The following KNL1 variants were observed in gnomAD, a reference collection of about 807,000 sequenced individuals.
KNL1 encodes outer kinetochore KNL1 complex subunit KNL1.
Under a neutral mutation model 201.3 loss-of-function variants are expected in KNL1, and 66 were observed. The ratio of observed to expected loss-of-function variants is 0.33; its 90% CI spans 0.27 to 0.40. The LOEUF (loss-of-function observed/expected upper bound fraction) is 0.40. Among genes scored for constraint, KNL1 ranks in the 10% least tolerant of loss-of-function variants. KNL1 has a pLI of 1.00. For synonymous variants in KNL1, 895 were observed against 899.2 expected (o/e 1.00, Z 0.08); for missense variants, 2,815 against 2,690.5 (o/e 1.05, Z -1.02).
chr15:40,600,890 G>C (rs921607390), intron 1 of KNL1, among the ~76,000 whole-genome samples: 1 of 152,250 alleles, frequency 6.6e-6, no homozygotes, highest in African/African-American at 2.4e-5. Context: ...TACTCACTGA[G>C]TGAAATTTAA....
chr15:40,660,501 C>T (rs1893876706), intron 25 of KNL1, among the ~76,000 whole-genome samples: 1 of 151,544 alleles, frequency 6.6e-6, no homozygotes, highest in Non-Finnish European at 1.5e-5. Flanking sequence ...CCCGCCTCTA[C>T]TAAAAATACA....
At chr15:40,638,101 A>C (rs1893111526) in intron 13 of KNL1, among the ~76,000 whole-genome samples, 3 of 151,980 alleles carry the variant, frequency 2.0e-5, no homozygotes, top group Non-Finnish European at 4.4e-5. Context: ...GAATTGCTTG[A>C]ACCTTGAACC....
At position 40,621,795 on chromosome 15, in the gene KNL1, G is replaced by T; in HGVS notation, c.1531G>T (p.Ala511Ser). ...QDQSNVQIAA[A>S]PTPEKEMMLQ... ...TCAATCAAATGTGCAAATAGCAGCTGCACCAACACCCGAAAAAGAAATGAT... is the reference window on the plus strand; with the variant it reads ...TCAATCAAATGTGCAAATAGCAGCTTCACCAACACCCGAAAAAGAAATGAT... The change falls in exon 10 of 26, where the codon GCA becomes TCA. Residue 511 changes from alanine (A) to serine (S), a missense_variant. Coordinates refer to ENST00000399668, the MANE Select transcript of KNL1 (RefSeq NM_144508.5). 2 of 1,613,762 alleles carry T rather than the reference G, an allele frequency of 1.2e-6. No homozygotes were observed. Among genetic ancestry groups the T allele is most frequent in the Non-Finnish European group, 1.7e-6 (2 of 1,179,740 alleles).
chr15:40,630,801 A>G (rs574501314), intron 13 of KNL1, among the ~76,000 whole-genome samples: 1 of 152,342 alleles, frequency 6.6e-6, no homozygotes, highest in Admixed American at 6.5e-5. Context: ...TTATTTCATT[A>G]TATATTACAA....
intron 3 of KNL1, among the ~76,000 whole-genome samples, chr15:40,605,747 G>A (rs1228927899): frequency 1.3e-5 from 2 of 152,160 alleles, no homozygotes; most frequent in African/African-American, 2.4e-5. Context: ...ACTGTGCCCA[G>A]CCCAAACTGC....
At chr15:40,620,505 T>C (rs147149621) in intron 9 of KNL1, 135 bp from the exon 10 acceptor site, 261 of 548,050 alleles carry the variant, frequency 4.8e-4, no homozygotes, top group African/African-American at 4.3e-3. Context: ...ATATGCAACA[T>C]GCTACACCAT....
At chr15:40,601,497 T>G (rs1891789577) in intron 1 of KNL1, among the ~76,000 whole-genome samples, 3 of 152,152 alleles carry the variant, frequency 2.0e-5, no homozygotes, top group Admixed American at 2.0e-4. Flanking sequence ...ATCTTGAGTG[T>G]GATAATTTTC....
intron 25 of KNL1, 28 bp downstream of exon 25, chr15:40,659,489 T>G (rs1336299313): frequency 6.3e-7 from 1 of 1,591,396 alleles, no homozygotes; most frequent in Non-Finnish European, 8.5e-7. Flanking sequence ...AGGGTAAGAC[T>G]CTGGGCTACT....
chr15:40,637,938 G>A (rs1567016474), intron 13 of KNL1, among the ~76,000 whole-genome samples: 1 of 151,962 alleles, frequency 6.6e-6, no homozygotes, highest in Non-Finnish European at 1.5e-5. Context: ...AGCACTTTGG[G>A]AAGCCAAGGC....
chr15:40,610,670 A>T, intron 6 of KNL1: 1 of 440,352 alleles, frequency 2.3e-6, no homozygotes, highest in Non-Finnish European at 4.5e-6. Flanking sequence ...AGCCTGGGCA[A>T]CAGAGCAAGA....
chr15:40,638,990 G>GTAGAGACAGTGTTTGTC (rs1893142301), intron 13 of KNL1, among the ~76,000 whole-genome samples: 2 of 144,952 alleles, frequency 1.4e-5, no homozygotes, highest in East Asian at 2.1e-4. Context: ...TTTGTATTTT[G>GTAGAGACAGTGTTTGTC]TATTGTTGGT....
At chr15:40,603,278 A>G (rs1314917665) in intron 2 of KNL1, among the ~76,000 whole-genome samples, 1 of 152,098 alleles carries the variant, frequency 6.6e-6, no homozygotes, top group African/African-American at 2.4e-5. Flanking sequence ...GATGTTCCCC[A>G]ACCCTGTGTC....
intron 1 of KNL1, among the ~76,000 whole-genome samples, chr15:40,598,903 A>G (rs1259871433): frequency 1.3e-5 from 2 of 151,920 alleles, no homozygotes; most frequent in African/African-American, 4.8e-5. Flanking sequence ...TTCCAGGCTC[A>G]AGCTATCCTC....
chr15:40,602,666 G>A (rs780813805), intron 1 of KNL1, among the ~76,000 whole-genome samples: 1 of 151,266 alleles, frequency 6.6e-6, no homozygotes, highest in Non-Finnish European at 1.5e-5. Flanking sequence ...TTGTATTTTG[G>A]TAGAGACGGG....
Position 40,662,204 on chromosome 15 carries a change from T to A in KNL1, c.*16T>A. ...CTACCACTAGACCCTTGGACCACCA[T>A]TGGAACAACCAAGCAGAATGTACTT... On this transcript the variant is annotated 3_prime_UTR_variant, in exon 26 of 26. Transcript: ENST00000399668. The A allele has an allele frequency of 7.4e-7, 1 of 1,360,042 alleles. No individual in the cohort carries two copies. The highest frequency in any genetic ancestry group is 1.1e-6 in the Non-Finnish European group (1 of 949,438). 84.2% of individuals were successfully genotyped at this position (1,360,042 alleles called of 1,614,324 possible). A position where few individuals can be genotyped will look rare whatever the true frequency, so the allele number is the denominator to read the frequency against.
At chr15:40,647,436 T>C (rs1196551735) in intron 17 of KNL1, among the ~76,000 whole-genome samples, 2 of 152,010 alleles carry the variant, frequency 1.3e-5, no homozygotes, top group East Asian at 3.9e-4. Flanking sequence ...ATTGCGCCAC[T>C]GCACTCCAGC....
At chr15:40,606,722 C>G (rs1034189451) in intron 4 of KNL1, among the ~76,000 whole-genome samples, 1 of 152,224 alleles carries the variant, frequency 6.6e-6, no homozygotes, top group Non-Finnish European at 1.5e-5. Flanking sequence ...CCTCAGCCTC[C>G]TGAGTAGCTG....
At chr15:40,602,069 G>T (rs1467623885) in intron 1 of KNL1, among the ~76,000 whole-genome samples, 1 of 148,850 alleles carries the variant, frequency 6.7e-6, no homozygotes, top group South Asian at 2.1e-4. Context: ...TTGCTCTTTC[G>T]CCCAGGCCGG....
intron 4 of KNL1, among the ~76,000 whole-genome samples, chr15:40,608,599 G>T (rs1349660352): frequency 2.0e-5 from 3 of 151,956 alleles, no homozygotes; most frequent in Admixed American, 1.3e-4. Context: ...TACAGAATTA[G>T]TTGGTCGTGG....
Sources: allele counts gnomAD v4.1 joint callset (sites outside exome capture counted in the v4.1 genomes callset), GRCh38; gene constraint gnomAD v4.1.1; transcripts MANE v1.5; gene names NCBI Gene and HGNC (gene_info 2026-07-23, HGNC 2026-07-21).